The following STXBP5L variants were observed in gnomAD, a reference collection of about 807,000 sequenced individuals.
The protein encoded by STXBP5L is syntaxin binding protein 5L.
Under a neutral mutation model 144.5 loss-of-function variants are expected in STXBP5L, and 65 were observed. The ratio of observed to expected loss-of-function variants is 0.45; its 90% CI spans 0.37 to 0.55. The LOEUF (loss-of-function observed/expected upper bound fraction) is 0.55. STXBP5L is among the 20% of genes least tolerant of loss of function. STXBP5L has a pLI of 0.00. For missense variants in STXBP5L, 1,298 were observed against 1,405.5 expected, an observed-to-expected ratio of 0.92 and a Z score of 1.22; for synonymous variants, 505 against 469.6, an observed-to-expected ratio of 1.08 and a Z score of -0.97.
At chr3:121,290,420 C>G (rs550966137) in intron 19 of STXBP5L, among the ~76,000 whole-genome samples, 2 of 151,792 alleles carry the variant, frequency 1.3e-5, no homozygotes, top group Non-Finnish European at 2.9e-5. Context: ...AAAAAATTGC[C>G]AACAACAAAA....
chr3:121,182,783 C>T, intron 9 of STXBP5L, among the ~76,000 whole-genome samples: 1 of 152,056 alleles, frequency 6.6e-6, no homozygotes, highest in East Asian at 1.9e-4. Flanking sequence ...AGAGAGCATC[C>T]AAACAAGCTG....
At chr3:121,065,551 G>A (rs1199035376) in intron 5 of STXBP5L, among the ~76,000 whole-genome samples, 3 of 152,168 alleles carry the variant, frequency 2.0e-5, no homozygotes, top group Non-Finnish European at 4.4e-5. Flanking sequence ...ACTAGTCATA[G>A]CTTAGTTGAG....
intron 22 of STXBP5L, among the ~76,000 whole-genome samples, chr3:121,395,896 T>A (rs2046717467): frequency 6.6e-6 from 1 of 152,242 alleles, no homozygotes; most frequent in Non-Finnish European, 1.5e-5. Context: ...AGTCTCGACA[T>A]GGCTGCAACC....
intron 23 of STXBP5L, among the ~76,000 whole-genome samples, chr3:121,412,234 G>A (rs980131128): frequency 4.6e-5 from 7 of 152,104 alleles, no homozygotes; most frequent in Non-Finnish European, 8.8e-5. Context: ...GGGTCTTCCT[G>A]TTTCTAACAC....
Position 121,424,180 on chromosome 3 carries a change from A to C in STXBP5L, c.*5083A>C, listed in dbSNP as rs1381894268. The C allele has an allele frequency of 1.3e-5, 2 of 152,168 alleles. No homozygotes were observed. Among genetic ancestry groups the C allele is most frequent in the African/African-American group, 4.8e-5 (2 of 41,440 alleles). The allele number at this position is 152,168 out of a possible 1,614,324, so 9.4% of individuals were successfully genotyped here. A position where few individuals can be genotyped will look rare whatever the true frequency, so the allele number is the denominator to read the frequency against. On this transcript the variant is annotated 3_prime_UTR_variant, in exon 27 of 27. Transcript: ENST00000471454. ...ACCAGGTACCTGTTCTGCTGTAGGTATATTTCACTGGACTTGGTCTTAGCA... is the reference window on the plus strand; with the variant it reads ...ACCAGGTACCTGTTCTGCTGTAGGTCTATTTCACTGGACTTGGTCTTAGCA...
In STXBP5L at chr3:121,359,832, C is replaced by T. The variant is rs1329365507; in HGVS notation, c.2177-18884C>T. Among the ~76,000 whole-genome samples the T allele has an allele frequency of 3.3e-5, 5 of 151,702 alleles. 1 individual carries two copies. The South Asian group carries it at 1.0e-3, about 32-fold the overall frequency. Reference sequence around the variant, plus strand: ...TGTCTGTTTTTATGCCAGTACCATGCTATTTTGGTAACTATACCTCTGTAG... The same window carrying T: ...TGTCTGTTTTTATGCCAGTACCATGTTATTTTGGTAACTATACCTCTGTAG... On this transcript the variant is annotated intron_variant, in intron 20 of 26. Transcript: ENST00000471454.
At chr3:121,346,517 G>A (rs544596708) in intron 20 of STXBP5L, among the ~76,000 whole-genome samples, 2 of 152,188 alleles carry the variant, frequency 1.3e-5, no homozygotes, top group Admixed American at 1.3e-4. Flanking sequence ...GATCCCTGAG[G>A]AATCGCCACA....
chr3:121,112,845 A>C (rs548939163), intron 5 of STXBP5L, among the ~76,000 whole-genome samples: 26 of 152,296 alleles, frequency 1.7e-4, no homozygotes, highest in African/African-American at 4.8e-4. Flanking sequence ...AATACAATAA[A>C]TTAAGTTGTA....
At chr3:121,393,780 C>T (rs527410752) in intron 22 of STXBP5L, among the ~76,000 whole-genome samples, 2 of 152,148 alleles carry the variant, frequency 1.3e-5, no homozygotes, top group African/African-American at 4.8e-5. Context: ...TATTCTCTTC[C>T]ATTTATCTAT....
At chr3:121,311,299 A>G (rs2108511761) in intron 19 of STXBP5L, among the ~76,000 whole-genome samples, 1 of 152,354 alleles carries the variant, frequency 6.6e-6, no homozygotes, top group Non-Finnish European at 1.5e-5. Flanking sequence ...TGTCATTACC[A>G]TAGTGGAAAG....
intron 9 of STXBP5L, among the ~76,000 whole-genome samples, chr3:121,159,960 A>G (rs907571505): frequency 2.0e-5 from 3 of 152,184 alleles, no homozygotes; most frequent in African/African-American, 7.2e-5. Context: ...CATAAAGGTC[A>G]AACTTGAAAT....
chr3:121,385,042 AT>A (rs2046397095), intron 22 of STXBP5L, among the ~76,000 whole-genome samples: 1 of 152,040 alleles, frequency 6.6e-6, no homozygotes, highest in Non-Finnish European at 1.5e-5. Flanking sequence ...TATATATAAA[AT>A]ATATATCTCT....
intron 2 of STXBP5L, among the ~76,000 whole-genome samples, chr3:120,943,380 G>A (rs140614892): frequency 6.6e-6 from 1 of 151,716 alleles, no homozygotes; most frequent in South Asian, 2.1e-4. Context: ...TCTTGCCAAG[G>A]TTTATTTTGT....
intron 9 of STXBP5L, among the ~76,000 whole-genome samples, chr3:121,202,848 G>T (rs1431892206): frequency 6.6e-6 from 1 of 151,780 alleles, no homozygotes. Flanking sequence ...TGTTTACTGG[G>T]ATGTTTCTGA....
chr3:120,953,847 A>G (rs149137217), intron 2 of STXBP5L, among the ~76,000 whole-genome samples: 1 of 152,254 alleles, frequency 6.6e-6, no homozygotes, highest in East Asian at 1.9e-4. Context: ...TCAGTACAAT[A>G]TTGAATAGAG....
At chr3:121,189,843 A>G (rs1308267111) in intron 9 of STXBP5L, among the ~76,000 whole-genome samples, 4 of 152,210 alleles carry the variant, frequency 2.6e-5, no homozygotes, top group Non-Finnish European at 5.9e-5. Flanking sequence ...TGACCAACTT[A>G]AAATAAACAA....
At chr3:121,335,754 A>G (rs1470552172) in intron 20 of STXBP5L, among the ~76,000 whole-genome samples, 2 of 152,172 alleles carry the variant, frequency 1.3e-5, no homozygotes, top group Non-Finnish European at 2.9e-5. Context: ...TTTACACCAC[A>G]TACGAAAATC....
At chr3:121,271,335 T>A (rs1257589255) in intron 18 of STXBP5L, among the ~76,000 whole-genome samples, 1 of 152,206 alleles carries the variant, frequency 6.6e-6, no homozygotes, top group Non-Finnish European at 1.5e-5. Context: ...GGCTTCTATG[T>A]CCTTTTGATA....
chr3:121,003,725 T>C (rs551474740), intron 3 of STXBP5L, among the ~76,000 whole-genome samples: 17 of 152,312 alleles, frequency 1.1e-4, no homozygotes, highest in African/African-American at 3.8e-4. Context: ...GAATTAATTT[T>C]TGTATAAGGT....
Sources: gnomAD v4.1 joint callset for allele counts (sites outside exome capture counted in the v4.1 genomes callset) on GRCh38, gnomAD v4.1.1 for gene constraint, MANE v1.5 for transcripts, NCBI Gene and HGNC (gene_info 2026-07-23, HGNC 2026-07-21) for gene names.